Variants in FAM114A1 observed in about 807,000 individuals in gnomAD.
FAM114A1 encodes protein NOXP20.
A neutral mutation model predicts 64.3 loss-of-function variants in FAM114A1; 62 were observed. The ratio of observed to expected loss-of-function variants is 0.96; its 90% CI spans 0.79 to 1.19. The LOEUF (loss-of-function observed/expected upper bound fraction) is 1.19, where lower values mean the gene tolerates loss of function less well. FAM114A1 is among the 50% of genes most tolerant of loss of function. The pLI is 0.00. For synonymous variants in FAM114A1, 254 were observed against 251.1 expected, an observed-to-expected ratio of 1.01 and a Z score of -0.11; for missense variants, 645 against 676.3, an observed-to-expected ratio of 0.95 and a Z score of 0.51.
At chr4:38,904,342 A>G (rs1351715867) in intron 4 of FAM114A1, among the ~76,000 whole-genome samples, 3 of 152,212 alleles carry the variant, frequency 2.0e-5, no homozygotes, top group African/African-American at 7.2e-5. Flanking sequence ...GAAGGCCTCA[A>G]AGGGAGGAAA....
At chr4:38,941,699 GAA>G (rs1470905833) in intron 14 of FAM114A1, among the ~76,000 whole-genome samples, 1 of 152,196 alleles carries the variant, frequency 6.6e-6, no homozygotes, top group Non-Finnish European at 1.5e-5. Context: ...ATTGGTAGAG[GAA>G]AATCTTCTGT....
At chr4:38,909,056 T>A (rs1718294764) in intron 7 of FAM114A1, among the ~76,000 whole-genome samples, 1 of 152,352 alleles carries the variant, frequency 6.6e-6, no homozygotes, top group Admixed American at 6.5e-5. Flanking sequence ...ACACACATAT[T>A]TTTTCAACCC....
intron 4 of FAM114A1, among the ~76,000 whole-genome samples, chr4:38,904,740 T>C (rs142793453): frequency 4.1e-4 from 62 of 152,332 alleles, no homozygotes; most frequent in African/African-American, 1.4e-3. Flanking sequence ...CCAATATTAA[T>C]TGATCATCTG....
rs1432996775 is a variant in FAM114A1 at position 38,895,766 on chromosome 4, A to G, written c.436+3936A>G. On this transcript the variant is annotated intron_variant, in intron 4 of 14. Coordinates refer to ENST00000358869, the MANE Select transcript of FAM114A1 (RefSeq NM_138389.4). ...ACAGCTAGGCTATGTGGTAAAGCCT[A>G]TTGCGCCGAGGCTGCAAACATAGGA... Among the ~76,000 whole-genome samples the G allele has an allele frequency of 2.0e-5, 3 of 152,242 alleles. No individual in the cohort carries two copies. The East Asian group carries it at 5.8e-4, about 29-fold the overall frequency.
intron 4 of FAM114A1, among the ~76,000 whole-genome samples, chr4:38,899,025 T>TTATA (rs200609973): frequency 1.4e-4 from 18 of 130,564 alleles, no homozygotes; most frequent in Non-Finnish European, 1.7e-4. Context: ...CATATATATG[T>TTATA]TATATATATA....
intron 14 of FAM114A1, among the ~76,000 whole-genome samples, chr4:38,942,963 G>T (rs1721684517): frequency 6.6e-6 from 1 of 152,108 alleles, no homozygotes; most frequent in African/African-American, 2.4e-5. Context: ...GGGAGGCCGA[G>T]GTGGGCAGAT....
rs7676657 is a variant in FAM114A1, at chr4:38,908,741, G to T, written c.792+15G>T. 73,108 of 1,534,434 alleles carry T rather than the reference G, an allele frequency of 0.048. 3,050 individuals carry two copies. The highest frequency in any genetic ancestry group is 0.19 in the African/African-American group (14,173 of 73,200). ...CCTTGTCTCAGGTTGGATTATATAC[G>T]TTTGCAATTTTTTCTTTCAGTCAAT... On this transcript the variant is annotated intron_variant, in intron 7 of 14. Transcript: ENST00000358869.
intron 13 of FAM114A1, among the ~76,000 whole-genome samples, chr4:38,940,306 TG>T (rs1721489299): frequency 6.6e-6 from 1 of 152,132 alleles, no homozygotes; most frequent in Admixed American, 6.5e-5. Context: ...TATTTAAGAA[TG>T]TCTTAATTTT....
rs190866449 is a variant in FAM114A1, at chr4:38,929,362, G to A, written c.1161+29G>A. The A allele has an allele frequency of 2.7e-4, 402 of 1,503,994 alleles. No individual in the cohort carries two copies. The Middle Eastern group carries it at 3.0e-3, about 11-fold the overall frequency. The allele number at this position is 1,503,994 out of a possible 1,614,324, so 93.2% of individuals were successfully genotyped here. On this transcript the variant is annotated intron_variant, in intron 10 of 14. Coordinates refer to ENST00000358869, the MANE Select transcript of FAM114A1 (RefSeq NM_138389.4). ...AGCACTGTCTGATTTATAGTTTCTGGTTAAAAAAAAACAGTGCAGGGGAGA... is the reference window on the plus strand; with the variant it reads ...AGCACTGTCTGATTTATAGTTTCTGATTAAAAAAAAACAGTGCAGGGGAGA...
chr4:38,915,777 G>T (rs1489197533), intron 8 of FAM114A1, among the ~76,000 whole-genome samples: 1 of 151,290 alleles, frequency 6.6e-6, no homozygotes, highest in East Asian at 2.0e-4. Flanking sequence ...GTGTGTGTGT[G>T]TGTGTGTGTG....
At chr4:38,942,868 G>T (rs1721677165) in intron 14 of FAM114A1, among the ~76,000 whole-genome samples, 1 of 146,448 alleles carries the variant, frequency 6.8e-6, no homozygotes, top group Admixed American at 7.0e-5. Flanking sequence ...GATAAGACAG[G>T]ACATACCCTG....
At chr4:38,927,040 C>T (rs1720177784) in intron 9 of FAM114A1, among the ~76,000 whole-genome samples, 2 of 152,222 alleles carry the variant, frequency 1.3e-5, no homozygotes, top group South Asian at 4.1e-4. Context: ...CACTCTGCTG[C>T]AGCCACGCTG....
intron 3 of FAM114A1, among the ~76,000 whole-genome samples, chr4:38,886,528 A>C (rs552304319): frequency 6.6e-6 from 1 of 152,178 alleles, no homozygotes; most frequent in Admixed American, 6.5e-5. Flanking sequence ...ACACCAGATA[A>C]GTTTGAAAGA....
intron 3 of FAM114A1, among the ~76,000 whole-genome samples, chr4:38,882,556 G>A (rs1715393026): frequency 6.6e-6 from 1 of 152,044 alleles, no homozygotes; most frequent in Admixed American, 6.5e-5. Flanking sequence ...TTGAACCCGG[G>A]AGGCGGAGGT....
chr4:38,907,751 A>G (rs1718161794), intron 6 of FAM114A1, among the ~76,000 whole-genome samples: 1 of 152,228 alleles, frequency 6.6e-6, no homozygotes, highest in Non-Finnish European at 1.5e-5. Flanking sequence ...ATAATAAAAT[A>G]CAATTTATAT....
intron 6 of FAM114A1, among the ~76,000 whole-genome samples, chr4:38,907,637 T>G (rs1718151118): frequency 6.6e-6 from 1 of 152,174 alleles, no homozygotes; most frequent in African/African-American, 2.4e-5. Flanking sequence ...AAACAAAGTC[T>G]AAATACCCAA....
At chr4:38,895,493 G>A (rs1716840953) in intron 4 of FAM114A1, among the ~76,000 whole-genome samples, 1 of 152,202 alleles carries the variant, frequency 6.6e-6, no homozygotes, top group Non-Finnish European at 1.5e-5. Context: ...TTAATTACAT[G>A]TGAAAATTCT....
chr4:38,881,382 T>C (rs1388646847), intron 3 of FAM114A1, among the ~76,000 whole-genome samples: 3 of 152,056 alleles, frequency 2.0e-5, no homozygotes, highest in African/African-American at 7.2e-5. Flanking sequence ...TCAAGGACCT[T>C]GGAAAGGGGA....
rs1713675697 is a variant in FAM114A1 at position 38,868,387 on chromosome 4, T to TC, written c.-157-6dup. ...CTCCCCGCTCCCCTCGCCTTACTCC[T>TC]CCCCCAACAGCCGACCCACGCCCTG... On this transcript the variant is annotated splice_polypyrimidine_tract_variant and intron_variant, in intron 1 of 14. Transcript: ENST00000358869. 1 of 152,164 alleles carries TC rather than the reference T, an allele frequency of 6.6e-6. No individual in the cohort carries two copies. Among genetic ancestry groups the TC allele is most frequent in the Admixed American group, 6.6e-5 (1 of 15,238 alleles). 9.4% of individuals were successfully genotyped at this position (152,164 alleles called of 1,614,324 possible). A position where few individuals can be genotyped will look rare whatever the true frequency, so the allele number is the denominator to read the frequency against.
Sources: gnomAD v4.1 joint callset for allele counts (sites outside exome capture counted in the v4.1 genomes callset) on GRCh38, gnomAD v4.1.1 for gene constraint, MANE v1.5 for transcripts, NCBI Gene and HGNC (gene_info 2026-07-23, HGNC 2026-07-21) for gene names.